The following TTLL1 variants were observed in gnomAD, a reference collection of about 807,000 sequenced individuals.
The protein encoded by TTLL1 is polyglutamylase complex subunit TTLL1.
A neutral mutation model predicts 47.8 loss-of-function variants in TTLL1; 33 were observed. That is an observed-to-expected ratio of 0.69 (90% CI 0.52 to 0.92). The LOEUF (loss-of-function observed/expected upper bound fraction) is 0.92, where lower values mean the gene tolerates loss of function less well. Ranked by LOEUF, TTLL1 falls within the 40% of genes least tolerant of loss-of-function variation. TTLL1 has a pLI of 0.00. For missense variants in TTLL1, 488 were observed against 547.5 expected (o/e 0.89, Z 1.08); for synonymous variants, 225 against 214.1 (o/e 1.05, Z -0.45).
chr22:43,074,903 G>A (rs1249177058), intron 3 of TTLL1, among the ~76,000 whole-genome samples: 2 of 151,574 alleles, frequency 1.3e-5, no homozygotes, highest in East Asian at 1.9e-4. Context: ...GTGGCCAGGC[G>A]CTTGGCTTAG....
intron 1 of TTLL1, among the ~76,000 whole-genome samples, chr22:43,082,422 G>C (rs1352330222): frequency 6.6e-6 from 1 of 152,114 alleles, no homozygotes; most frequent in African/African-American, 2.4e-5. Flanking sequence ...AAAAAATAAA[G>C]GCCAGACAGG....
At chr22:43,040,646 A>AGGC (rs987004085) in intron 10 of TTLL1, among the ~76,000 whole-genome samples, 4 of 152,162 alleles carry the variant, frequency 2.6e-5, no homozygotes, top group Non-Finnish European at 4.4e-5. Flanking sequence ...GGGTTTCCCC[A>AGGC]TGTTGGCCAG....
chr22:43,074,016 G>C (rs535073994), intron 3 of TTLL1, among the ~76,000 whole-genome samples: 1 of 151,364 alleles, frequency 6.6e-6, no homozygotes, highest in South Asian at 2.1e-4. Context: ...TAGAGACAAG[G>C]TTTTGTCATG....
intron 7 of TTLL1, 75 bp from the exon 8 acceptor site, chr22:43,059,602 C>T (rs370465461): frequency 1.3e-6 from 2 of 1,499,692 alleles, no homozygotes; most frequent in African/African-American, 1.4e-5. Context: ...GTTGCATCCC[C>T]CAAGCATTTC....
At chr22:43,040,029 C>T (rs948755716) in intron 10 of TTLL1, 124 bp from the exon 11 acceptor site, 32 of 1,347,934 alleles carry the variant, frequency 2.4e-5, no homozygotes, top group Non-Finnish European at 3.0e-5. Context: ...GCCCCACCCT[C>T]GCGACTCCTG....
rs755252175 is a variant in TTLL1, at chr22:43,046,608, T to A, written c.979-35A>T. 1.9e-6 allele frequency: 3 copies of A among 1,603,342 alleles called. No homozygotes were observed. The East Asian group carries it at 6.7e-5, about 36-fold the overall frequency. On this transcript the variant is annotated intron_variant, in intron 9 of 10. Transcript: ENST00000266254. ...GAAAGACCCATGTTCCTCACCTGTG[T>A]CTCTCGCTCTTTTGGAATGAAAATG...
chr22:43,051,662 A>G, intron 9 of TTLL1, 139 bp downstream of exon 9: 1 of 814,872 alleles, frequency 1.2e-6, no homozygotes, highest in East Asian at 2.5e-5. Context: ...TCAGCAAACA[A>G]TCAAACTCGA....
intron 1 of TTLL1, among the ~76,000 whole-genome samples, chr22:43,085,870 C>T (rs1233050852): frequency 2.0e-5 from 3 of 152,182 alleles, no homozygotes; most frequent in Admixed American, 6.6e-5. Flanking sequence ...CAACCTCCTG[C>T]GGGGCAGCAG....
At chr22:43,074,427 C>CAAAAA (rs61701643) in intron 3 of TTLL1, among the ~76,000 whole-genome samples, 15 of 85,578 alleles carry the variant, frequency 1.8e-4, no homozygotes, top group African/African-American at 3.0e-4. Flanking sequence ...AATTTCGTCT[C>CAAAAA]AAAAAAAAAA....
rs1408116176 is a variant in TTLL1 at position 43,068,519 on chromosome 22, A to T, written c.394T>A (p.Ser132Thr). Reference sequence around the variant, plus strand: ...CAAGGCTTCATGATCCAGGTGCTGGACGGGCTCTTCCGGAACTCCTCTACA... The same window carrying T: ...CAAGGCTTCATGATCCAGGTGCTGGTCGGGCTCTTCCGGAACTCCTCTACA... ...LFVEEFRKSP[S>T]STWIMKPCGK... The change falls in exon 5 of 11, where the codon TCC becomes ACC. Residue 132 changes from serine to threonine, a missense_variant. Transcript: ENST00000266254. 6.4e-7 allele frequency: 1 copy of T among 1,572,054 alleles called. No homozygotes were observed. Among genetic ancestry groups the T allele is most frequent in the Non-Finnish European group, 8.7e-7 (1 of 1,149,636 alleles).
chr22:43,065,821 A>T (rs1927695382), intron 5 of TTLL1, among the ~76,000 whole-genome samples: 1 of 151,784 alleles, frequency 6.6e-6, no homozygotes, highest in Admixed American at 6.6e-5. Context: ...GAAGGGGTAT[A>T]GGAAAAAAAA....
chr22:43,041,990 G>A (rs577600152), intron 10 of TTLL1, among the ~76,000 whole-genome samples: 1 of 152,044 alleles, frequency 6.6e-6, no homozygotes, highest in African/African-American at 2.4e-5. Flanking sequence ...CTGGAACTCT[G>A]GAATCTGCCT....
intron 8 of TTLL1, among the ~76,000 whole-genome samples, chr22:43,056,132 C>T (rs1228528330): frequency 1.3e-5 from 2 of 151,524 alleles, no homozygotes; most frequent in African/African-American, 4.8e-5. Context: ...GAGTCCGAGG[C>T]AGGTGGATCA....
At chr22:43,076,770 T>A (rs1340963957) in intron 2 of TTLL1, among the ~76,000 whole-genome samples, 2 of 149,168 alleles carry the variant, frequency 1.3e-5, no homozygotes, top group Admixed American at 6.7e-5. Context: ...ATAATAATAA[T>A]AAATCAAATA....
At chr22:43,084,843 C>G (rs1224266939) in intron 1 of TTLL1, among the ~76,000 whole-genome samples, 1 of 151,902 alleles carries the variant, frequency 6.6e-6, no homozygotes, top group East Asian at 1.9e-4. Context: ...CTCTTATCAT[C>G]AGGTGGTTAG....
At chr22:43,060,075 T>C (rs908298347) in intron 7 of TTLL1, among the ~76,000 whole-genome samples, 2 of 152,144 alleles carry the variant, frequency 1.3e-5, no homozygotes, top group Non-Finnish European at 2.9e-5. Flanking sequence ...CAGGCTGGAG[T>C]GCAATGGCAC....
intron 2 of TTLL1, among the ~76,000 whole-genome samples, chr22:43,076,475 G>T (rs1928498043): frequency 6.6e-6 from 1 of 151,100 alleles, no homozygotes; most frequent in Admixed American, 6.6e-5. Context: ...AAATAGGCCG[G>T]GCGCGGTGGC....
At chr22:43,043,757 G>A (rs1256297846) in intron 10 of TTLL1, among the ~76,000 whole-genome samples, 2 of 151,924 alleles carry the variant, frequency 1.3e-5, no homozygotes, top group Non-Finnish European at 2.9e-5. Context: ...GTTGGAGGGG[G>A]CCTCCTCTCT....
At chr22:43,069,391 C>CAA (rs1303585838) in intron 4 of TTLL1, among the ~76,000 whole-genome samples, 95 of 59,972 alleles carry the variant, frequency 1.6e-3, no homozygotes, top group East Asian at 5.5e-3. Flanking sequence ...GATTCTGTCT[C>CAA]AAAAAAAAAA....
Sources: gnomAD v4.1 joint callset for allele counts (sites outside exome capture counted in the v4.1 genomes callset) on GRCh38, gnomAD v4.1.1 for gene constraint, MANE v1.5 for transcripts, NCBI Gene and HGNC (gene_info 2026-07-23, HGNC 2026-07-21) for gene names.